RBCK1: variants seen among roughly 807,000 people sequenced by gnomAD.
RBCK1 encodes the protein RANBP2-type and C3HC4-type zinc finger containing 1, also known as ranBP-type and C3HC4-type zinc finger-containing protein 1.
Under a neutral mutation model 71.1 loss-of-function variants are expected in RBCK1, and 44 were observed. The observed-to-expected ratio is 0.62, with a 90% CI of 0.49 to 0.80. The LOEUF is 0.80. Ranked by LOEUF, RBCK1 falls within the 30% of genes least tolerant of loss-of-function variation. The pLI, the probability that RBCK1 is intolerant of heterozygous loss-of-function variation, is 0.00. For synonymous variants in RBCK1, 306 were observed against 279.7 expected (o/e 1.09, Z -0.94); for missense variants, 569 against 685.0 (o/e 0.83, Z 1.89).
rs944401871 is a variant in RBCK1, at chr20:428,117, G to A, written c.1210-374G>A. On this transcript the variant is annotated intron_variant, in intron 9 of 11. Transcript: ENST00000356286. This position sits in a 1 kb window ranked among gnomAD's most constrained non-coding sequence, Gnocchi z 5.7. ...CTCAGACTCAGCCTGAGCAAGCTCA[G>A]TCTGGGGTCATTGGGCCTGTAACCC... Among the ~76,000 whole-genome samples the A allele has an allele frequency of 6.6e-6, 1 of 152,224 alleles. No individual in the cohort carries two copies. Among genetic ancestry groups the A allele is most frequent in the Non-Finnish European group, 1.5e-5 (1 of 68,034 alleles).
rs774063569 is a variant in RBCK1, at chr20:429,143, G to C, written c.1452+49G>C. The C allele has an allele frequency of 2.6e-6, 4 of 1,562,234 alleles. No homozygotes were observed. In the Admixed American group the frequency reaches 7.4e-5, roughly 29 times the overall value. On this transcript the variant is annotated intron_variant, in intron 11 of 11. Transcript: ENST00000356286. ...TGGAGAGGGTGCCCTTGTGGGCTTTGCCTTAGAGGAGGGCTGGGAAAACTA... is the reference window on the plus strand; with the variant it reads ...TGGAGAGGGTGCCCTTGTGGGCTTTCCCTTAGAGGAGGGCTGGGAAAACTA...
intron 8 of RBCK1, among the ~76,000 whole-genome samples, chr20:423,840 G>A (rs765129534): frequency 2.6e-5 from 4 of 152,114 alleles, no homozygotes; most frequent in Non-Finnish European, 4.4e-5. Context: ...CGGTGGCCTG[G>A]TTTATAATGG....
chr20:419,513 T>G (rs778879169), intron 5 of RBCK1, 45 bp downstream of exon 5: 3 of 1,603,610 alleles, frequency 1.9e-6, no homozygotes, highest in Non-Finnish European at 2.6e-6. Context: ...GCCCCTCCCT[T>G]GCCTCACCCT....
Position 418,399 on chromosome 20 carries a change from C to G in RBCK1, c.460+469C>G, listed in dbSNP as rs764508468. ...TCTTTTTTTTTTTGAGACGGAGTCTCGCTCTGTCGCCCAGGCTGGAGTGCA... is the reference window on the plus strand; with the variant it reads ...TCTTTTTTTTTTTGAGACGGAGTCTGGCTCTGTCGCCCAGGCTGGAGTGCA... On this transcript the variant is annotated intron_variant, in intron 4 of 11. Coordinates refer to ENST00000356286, the MANE Select transcript of RBCK1 (RefSeq NM_031229.4). Among the ~76,000 whole-genome samples the G allele has an allele frequency of 7.2e-5, 11 of 151,848 alleles. No individual in the cohort carries two copies. The East Asian group carries it at 9.7e-4, about 13-fold the overall frequency.
At position 422,003 on chromosome 20, in the gene RBCK1, G is replaced by A. The variant is rs1024326710; in HGVS notation, c.918-124G>A. On this transcript the variant is annotated intron_variant, in intron 7 of 11. Transcript: ENST00000356286. The surrounding 1 kb of genome is among the most constrained non-coding windows in gnomAD (Gnocchi z 5.0). ...GAGGGATGGGAAGGAAGGAGATATT[G>A]AGGAGAAGTCCACCTGGGGTGACTG... 1.1e-5 allele frequency: 7 copies of A among 663,552 alleles called. No homozygotes were observed. In the African/African-American group the frequency reaches 1.3e-4, roughly 12 times the overall value. The allele number at this position is 663,552 out of a possible 1,614,324, so 41.1% of individuals were successfully genotyped here.
rs771450771 is a variant in RBCK1 at position 408,733 on chromosome 20, AG to A, written c.-20del. ...TTTCCCAGGAGGCACGGTCCCCCCC[AG>A]GGGGATGGGCACAGCCACGCCAGAT... is the stretch of plus-strand genomic sequence containing the variant. On this transcript the variant is annotated 5_prime_UTR_variant, in exon 1 of 12. Coordinates refer to ENST00000356286, the MANE Select transcript of RBCK1 (RefSeq NM_031229.4). 6 of 1,612,116 alleles carry A rather than the reference AG, an allele frequency of 3.7e-6. No individual in the cohort carries two copies. Among genetic ancestry groups the A allele is most frequent in the Non-Finnish European group, 5.1e-6 (6 of 1,179,486 alleles).
Position 428,406 on chromosome 20 carries a change from G to C in RBCK1, c.1210-85G>C, listed in dbSNP as rs1202898825. 1.1e-6 allele frequency: 1 copy of C among 915,314 alleles called. No homozygotes were observed. Among genetic ancestry groups the C allele is most frequent in the Admixed American group, 2.9e-5 (1 of 34,232 alleles). The allele number at this position is 915,314 out of a possible 1,614,324, so 56.7% of individuals were successfully genotyped here. On this transcript the variant is annotated intron_variant, in intron 9 of 11. Transcript: ENST00000356286. This position sits in a 1 kb window ranked among gnomAD's most constrained non-coding sequence, Gnocchi z 5.7. ...ACACCTAGAGGCATTAAGTGCCTTTGTGGACTCCTGCCCTGCACCTCACCT... is the reference window on the plus strand; with the variant it reads ...ACACCTAGAGGCATTAAGTGCCTTTCTGGACTCCTGCCCTGCACCTCACCT...
In RBCK1 at chr20:420,983, C is replaced by T. The variant is rs1196384690; in HGVS notation, c.869C>T (p.Ala290Val). 4.5e-6 allele frequency: 7 copies of T among 1,563,912 alleles called. No individual in the cohort carries two copies. Among genetic ancestry groups the T allele is most frequent in the Middle Eastern group, 2.0e-4 (1 of 5,036 alleles). Residue 290 changes from alanine to valine, a missense_variant, in exon 7 of 12, where the codon GCG becomes GTG. Transcript: ENST00000356286. ...TGCCCCGTGTGCTACTCGGTGCTGGCGCCCGGCGAGGCCGTGGTGCTGCGT... is the reference window on the plus strand; with the variant it reads ...TGCCCCGTGTGCTACTCGGTGCTGGTGCCCGGCGAGGCCGTGGTGCTGCGT... ...AECPVCYSVL[A>V]PGEAVVLREC...
chr20:425,623 A>ATT (rs200677519), intron 8 of RBCK1, among the ~76,000 whole-genome samples: 1 of 130,068 alleles, frequency 7.7e-6, no homozygotes. Context: ...TGCATGGTGT[A>ATT]TTCTTTTTTT....
rs760893792 is a variant in RBCK1 at position 419,710 on chromosome 20, G to C, written c.735G>C (p.Glu245Asp). ...EERARLAGEE[E>D]ALRQYQQRKQ... ...GAGCGCGCCTGGCGGGCGAGGAGGA[G>C]GCGCTGCGTCAGTACCAGCAGGTGG... Residue 245 changes from glutamate (E) to aspartate (D), a missense_variant, in exon 6 of 12, where the codon GAG becomes GAC. By Grantham distance (45) the Glu-to-Asp change is conservative (BLOSUM62 2). Coordinates refer to ENST00000356286, the MANE Select transcript of RBCK1 (RefSeq NM_031229.4). 6.4e-7 allele frequency: 1 copy of C among 1,564,880 alleles called. No homozygotes were observed. The highest frequency in any genetic ancestry group is 8.6e-7 in the Non-Finnish European group (1 of 1,158,916).
Position 419,332 on chromosome 20 carries a change from A to G in RBCK1, c.461-15A>G. 5 of 1,611,338 alleles carry G rather than the reference A, an allele frequency of 3.1e-6. No homozygotes were observed. The highest frequency in any genetic ancestry group is 4.2e-6 in the Non-Finnish European group (5 of 1,179,724). ...GGGCCGCGTGGAACCACCACCCTTT[A>G]ACCCTCCTCCACAGATCTGGGCTTC... On this transcript the variant is annotated splice_polypyrimidine_tract_variant and intron_variant, in intron 4 of 11. Transcript: ENST00000356286.
At chr20:424,255 G>T (rs78237393) in intron 8 of RBCK1, among the ~76,000 whole-genome samples, 7,894 of 152,264 alleles carry the variant, frequency 0.052, 279 homozygotes, top group East Asian at 0.14. Flanking sequence ...TTTCCCTTCT[G>T]TGGGACTCCA....
rs1358067064 is a variant in RBCK1 at position 409,785 on chromosome 20, A to G, written c.23-96A>G. 10 of 1,517,118 alleles carry G rather than the reference A, an allele frequency of 6.6e-6. No individual in the cohort carries two copies. The African/African-American group carries it at 1.2e-4, about 19-fold the overall frequency. The allele number at this position is 1,517,118 out of a possible 1,614,324, so 94.0% of individuals were successfully genotyped here. Reference sequence around the variant, plus strand: ...AGTTCACCAGGAAGACAGAGAAAGCAGCACACACAAAGGATCGCCTCCTTT... The same window carrying G: ...AGTTCACCAGGAAGACAGAGAAAGCGGCACACACAAAGGATCGCCTCCTTT... On this transcript the variant is annotated intron_variant, in intron 1 of 11. Coordinates refer to ENST00000356286, the MANE Select transcript of RBCK1 (RefSeq NM_031229.4).
rs545737282 is a variant in RBCK1 at position 411,765 on chromosome 20, CCT to C, written c.167+1744_167+1745del. On this transcript the variant is annotated intron_variant, in intron 2 of 11. Coordinates refer to ENST00000356286, the MANE Select transcript of RBCK1 (RefSeq NM_031229.4). ...GGCTTAAGCAGTCTTCCCACCTCAG[CCT>C]CTCAAAGTGCTGGGATTACAGGTGT... Among the ~76,000 whole-genome samples the C allele has an allele frequency of 1.2e-4, 19 of 152,130 alleles. No homozygotes were observed. In the East Asian group the frequency reaches 3.7e-3, roughly 29 times the overall value.
At chr20:418,615 G>A (rs559052274) in intron 4 of RBCK1, among the ~76,000 whole-genome samples, 54 of 152,264 alleles carry the variant, frequency 3.5e-4, no homozygotes, top group East Asian at 7.7e-4. Context: ...TGATCCGCCC[G>A]CCTCGGCCTC....
rs753512153 is a variant in RBCK1, at chr20:421,011, G to A, written c.897G>A (p.Glu299=). The change falls in exon 7 of 12, where the codon GAG becomes GAA. Residue 299 remains glutamate, a synonymous_variant. Coordinates refer to ENST00000356286, the MANE Select transcript of RBCK1 (RefSeq NM_031229.4). ...CCGGCGAGGCCGTGGTGCTGCGTGA[G>A]TGTCTGCACACCTTCTGCAGGTGCG... ...LAPGEAVVLR[E]CLHTFCRECL... The A allele has an allele frequency of 1.3e-6, 2 of 1,566,220 alleles. No homozygotes were observed. The highest frequency in any genetic ancestry group is 1.7e-6 in the Non-Finnish European group (2 of 1,156,364).
At chr20:411,141 T>C (rs2122180000) in intron 2 of RBCK1, among the ~76,000 whole-genome samples, 1 of 152,352 alleles carries the variant, frequency 6.6e-6, no homozygotes, top group Non-Finnish European at 1.5e-5. Context: ...TGTGGCCTTT[T>C]GTATCTGGCT....
Position 428,701 on chromosome 20 carries a change from C to A in RBCK1, c.1308+112C>A. 1.5e-6 allele frequency: 2 copies of A among 1,365,456 alleles called. No individual in the cohort carries two copies. The highest frequency in any genetic ancestry group is 2.0e-6 in the Non-Finnish European group (2 of 1,022,952). 84.6% of individuals were successfully genotyped at this position (1,365,456 alleles called of 1,614,324 possible). On this transcript the variant is annotated intron_variant, in intron 10 of 11. Transcript: ENST00000356286. The surrounding 1 kb of genome is among the most constrained non-coding windows in gnomAD (Gnocchi z 5.7). ...CACACATCCCTGGAGGCTCTGACCTCCCTTCTGGCTGTCACTCCCATCCGG... is the reference window on the plus strand; with the variant it reads ...CACACATCCCTGGAGGCTCTGACCTACCTTCTGGCTGTCACTCCCATCCGG...
rs1410332792 is a variant in RBCK1, at chr20:429,491, GC to G, written c.1452+398del. ...TCCACCTGCCTCGGCCTCCCAAAGTGCTAGGATTACAGGCGTGAGCCACCGG... is the reference window on the plus strand; with the variant it reads ...TCCACCTGCCTCGGCCTCCCAAAGTGTAGGATTACAGGCGTGAGCCACCGG... On this transcript the variant is annotated intron_variant, in intron 11 of 11. Transcript: ENST00000356286. Among the ~76,000 whole-genome samples, 4 of 152,310 alleles carry G rather than the reference GC, an allele frequency of 2.6e-5. No homozygotes were observed. In the East Asian group the frequency reaches 7.7e-4, roughly 29 times the overall value.
Sources: gnomAD v4.1 joint callset for allele counts (sites outside exome capture counted in the v4.1 genomes callset) on GRCh38, gnomAD v4.1.1 for gene constraint, Gnocchi (gnomAD v3.1) non-coding constraint, MANE v1.5 for transcripts, NCBI Gene and HGNC (gene_info 2026-07-23, HGNC 2026-07-21) for gene names.